Variants in OR52A1 observed in about 807,000 individuals in gnomAD.
OR52A1 encodes olfactory receptor family 52 subfamily A member 1.
OR52A1 carries 14 observed loss-of-function variants against 14.3 expected under a neutral mutation model. That is an observed-to-expected ratio of 0.98 (90% confidence interval 0.65 to 1.54). The LOEUF (loss-of-function observed/expected upper bound fraction) is 1.54, where lower values mean the gene tolerates loss of function less well. Ranked by LOEUF, OR52A1 falls within the 40% of genes most tolerant of loss-of-function variation. The probability of loss-of-function intolerance (pLI) is 0.00; values close to 1 mark genes in which losing one functional copy is unlikely to be tolerated. For missense variants in OR52A1, 405 were observed against 381.3 expected, an observed-to-expected ratio of 1.06 and a Z score of -0.52; for synonymous variants, 151 against 135.3, an observed-to-expected ratio of 1.12 and a Z score of -0.80.
Position 5,151,498 on chromosome 11 carries a change from T to C in OR52A1, c.872A>G (p.Asn291Ser), listed in dbSNP as rs948556302. ...GGTCTTTGCACCATAGACAAGTGGA[T>C]TGAGAAATGGAGGGACCAGCAAGTA... ...SIYLLVPPFLNPLVYGAKTTQ... is the reference protein window; with the variant it reads ...SIYLLVPPFLSPLVYGAKTTQ... The change falls in exon 2 of 2, where the codon AAT (asparagine) becomes AGT (serine). Residue 291 changes from asparagine (N) to serine (S), a missense_variant. Transcript: ENST00000380367. 2.0e-5 allele frequency: 32 copies of C among 1,613,814 alleles called. No individual in the cohort carries two copies. In the East Asian group the frequency reaches 2.9e-4, roughly 15 times the overall value.
rs556787810 is a variant in OR52A1, at chr11:5,150,954, T to G, written c.*477A>C. ...GTATTTAAATTTTTAGGCTTTATTG[T>G]CTCTTGATATTCATAAGATTTTCTT... On this transcript the variant is annotated 3_prime_UTR_variant, in exon 2 of 2. Transcript: ENST00000380367. 168 of 152,554 alleles carry G rather than the reference T, an allele frequency of 1.1e-3. 1 individual carries two copies. In the Middle Eastern group the frequency reaches 0.014, roughly 12 times the overall value. 9.5% of individuals were successfully genotyped at this position (152,554 alleles called of 1,614,324 possible).
chr11:5,150,102 C>T lies in OR52A1; in HGVS notation c.*1329G>A, dbSNP rs958348150. 3.9e-5 allele frequency: 6 copies of T among 151,926 alleles called. No homozygotes were observed. Among genetic ancestry groups the T allele is most frequent in the Admixed American group, 2.0e-4 (3 of 15,242 alleles). The allele number at this position is 151,926 out of a possible 1,614,324, so 9.4% of individuals were successfully genotyped here. ...GGTTTTTCAAGAACAATTGACTAGCCGTAAATTCTTATGCCACTAATTTTA... is the reference window on the plus strand; with the variant it reads ...GGTTTTTCAAGAACAATTGACTAGCTGTAAATTCTTATGCCACTAATTTTA... On this transcript the variant is annotated 3_prime_UTR_variant, in exon 2 of 2. Transcript: ENST00000380367.
In OR52A1 at chr11:5,151,576, T is replaced by C. The variant is rs774868743; in HGVS notation, c.794A>G (p.His265Arg). ...YLLAFFSFFT[H>R]RFGSHISPYI... ...AGGGGAGATGTGAGACCCAAACCTA[T>C]GTGTGAAGAAGGAGAAGAAGGCAAG... Residue 265 changes from histidine to arginine, a missense_variant, in exon 2 of 2, where the codon CAT becomes CGT. Physicochemically the swap from His to Arg is conservative, Grantham distance 29. Coordinates refer to ENST00000380367, the MANE Select transcript of OR52A1 (RefSeq NM_012375.3). 6.2e-7 allele frequency: 1 copy of C among 1,613,920 alleles called. No homozygotes were observed. The highest frequency in any genetic ancestry group is 1.1e-5 in the South Asian group (1 of 91,058).
chr11:5,154,748 G>C lies in OR52A1; in HGVS notation c.-623C>G, dbSNP rs371774144. 7 of 152,216 alleles carry C rather than the reference G, an allele frequency of 4.6e-5. No individual in the cohort carries two copies. The South Asian group carries it at 1.5e-3, about 32-fold the overall frequency. 9.4% of individuals were successfully genotyped at this position (152,216 alleles called of 1,614,324 possible). Reference sequence around the variant, plus strand: ...TGAGGTCTGTAGCATTCTGAAACACGGGATGAATTTATTGAGCTCAAATTG... The same window carrying C: ...TGAGGTCTGTAGCATTCTGAAACACCGGATGAATTTATTGAGCTCAAATTG... On this transcript the variant is annotated 5_prime_UTR_variant, in exon 1 of 2. Coordinates refer to ENST00000380367, the MANE Select transcript of OR52A1 (RefSeq NM_012375.3).
rs369841701 is a variant in OR52A1 at position 5,151,802 on chromosome 11, G to A, written c.568C>T (p.Leu190=). The part of the protein sequence containing the change: ...SYCEHMAIVK[L]AAANVQVNKI... ...TTGACTTGAACATTTGCTGCTGCTA[G>A]TTTCACAATGGCCATATGCTCACAG... Residue 190 remains leucine, a synonymous_variant, in exon 2 of 2, where the codon CTA becomes TTA. Coordinates refer to ENST00000380367, the MANE Select transcript of OR52A1 (RefSeq NM_012375.3). The A allele has an allele frequency of 6.2e-7, 1 of 1,614,046 alleles. No individual in the cohort carries two copies. Among genetic ancestry groups the A allele is most frequent in the Non-Finnish European group, 8.5e-7 (1 of 1,180,034 alleles).
At position 5,151,461 on chromosome 11, in the gene OR52A1, G is replaced by A. The variant is rs112884296; in HGVS notation, c.909C>T (p.Arg303=). 2,030 of 1,611,622 alleles carry A rather than the reference G, an allele frequency of 1.3e-3. 21 individuals are homozygous for A. The African/African-American group carries it at 0.024, about 19-fold the overall frequency. ...LVYGAKTTQI[R]IHVVKMFCS Reference sequence around the variant, plus strand: ...AACAGAACATTTTTACCACATGAATGCGAATCTGTGTGGTCTTTGCACCAT... The same window carrying A: ...AACAGAACATTTTTACCACATGAATACGAATCTGTGTGGTCTTTGCACCAT... The change falls in exon 2 of 2, where the codon CGC becomes CGT. Residue 303 remains arginine, a synonymous_variant. Transcript: ENST00000380367.
chr11:5,151,956 GA>G lies in OR52A1; in HGVS notation c.413del (p.Phe138SerfsTer9). The G allele has an allele frequency of 6.2e-7, 1 of 1,614,066 alleles. No homozygotes were observed. The highest frequency in any genetic ancestry group is 1.7e-5 in the Admixed American group (1 of 60,022). On this transcript the variant is annotated frameshift_variant, in exon 2 of 2. Coordinates refer to ENST00000380367, the MANE Select transcript of OR52A1 (RefSeq NM_012375.3). LOFTEE classifies it high-confidence loss of function. ...ICYPLRHANI[F>X]THQLVIQIGT... ...CTATCTGAATGACAAGCTGGTGGGTGAAGATGTTGGCATGTCTTAGTGGATA... is the reference window on the plus strand; with the variant it reads ...CTATCTGAATGACAAGCTGGTGGGTGAGATGTTGGCATGTCTTAGTGGATA...
rs1846502203 is a variant in OR52A1, at chr11:5,148,176, G to A, written c.*3255C>T. On this transcript the variant is annotated 3_prime_UTR_variant, in exon 2 of 2. Transcript: ENST00000380367. ...TGTTGTAAGTTATTTTTCCCAAATT[G>A]AACATTTAAATGAAGGGCTGCAAAA... The A allele has an allele frequency of 6.6e-6, 1 of 151,338 alleles. No individual in the cohort carries two copies. The highest frequency in any genetic ancestry group is 6.6e-5 in the Admixed American group (1 of 15,182). 9.4% of individuals were successfully genotyped at this position (151,338 alleles called of 1,614,324 possible). A position where few individuals can be genotyped will look rare whatever the true frequency, so the allele number is the denominator to read the frequency against.
rs2133534315 is a variant in OR52A1 at position 5,149,901 on chromosome 11, A to AT, written c.*1529dup. The AT allele has an allele frequency of 6.6e-6, 1 of 152,330 alleles. No homozygotes were observed. Among genetic ancestry groups the AT allele is most frequent in the South Asian group, 2.1e-4 (1 of 4,830 alleles). The allele number at this position is 152,330 out of a possible 1,614,324, so 9.4% of individuals were successfully genotyped here. ...GCCTCTATAATCATTCTCAACAGCC[A>AT]TGGATATCTGCTAAGTCCTAATCCG... On this transcript the variant is annotated 3_prime_UTR_variant, in exon 2 of 2. Transcript: ENST00000380367.
rs1330806760 is a variant in OR52A1 at position 5,154,446 on chromosome 11, C to T, written c.-322+1G>A. On this transcript the variant is annotated splice_donor_variant, in intron 1 of 1. Transcript: ENST00000380367. LOFTEE classifies it low-confidence loss of function (5UTR_SPLICE). ...TCATAACACTTTCATTCATCACTCA[C>T]CAATTTTTCTTCTCCAAGGATTCCA... 2.0e-5 allele frequency: 3 copies of T among 152,196 alleles called. No homozygotes were observed. The highest frequency in any genetic ancestry group is 4.4e-5 in the Non-Finnish European group (3 of 68,054). 9.4% of individuals were successfully genotyped at this position (152,196 alleles called of 1,614,324 possible).
rs547460735 is a variant in OR52A1, at chr11:5,152,600, T to A, written c.-231A>T. The stretch of plus-strand genomic sequence containing the variant: ...CAGGCACTGTGCCATAATAGGATGT[T>A]ATGTGCATGGCAATCCAAATACATT... On this transcript the variant is annotated 5_prime_UTR_variant, in exon 2 of 2. Transcript: ENST00000380367. The A allele has an allele frequency of 1.3e-3, 657 of 488,248 alleles. 2 individuals carry two copies. The highest frequency in any genetic ancestry group is 1.6e-3 in the Non-Finnish European group (418 of 264,906). The allele number at this position is 488,248 out of a possible 1,614,324, so 30.2% of individuals were successfully genotyped here. A position where few individuals can be genotyped will look rare whatever the true frequency, so the allele number is the denominator to read the frequency against.
rs557397678 is a variant in OR52A1, at chr11:5,154,650, G to A, written c.-525C>T. 8.5e-5 allele frequency: 13 copies of A among 152,166 alleles called. No homozygotes were observed. In the South Asian group the frequency reaches 2.5e-3, roughly 29 times the overall value. 9.4% of individuals were successfully genotyped at this position (152,166 alleles called of 1,614,324 possible). Reference sequence around the variant, plus strand: ...TACACTTTTCATTTATCTCTAACACGGACATCTTCTTCTTCTTCTGGAAGT... The same window carrying A: ...TACACTTTTCATTTATCTCTAACACAGACATCTTCTTCTTCTTCTGGAAGT... On this transcript the variant is annotated 5_prime_UTR_variant, in exon 1 of 2. Coordinates refer to ENST00000380367, the MANE Select transcript of OR52A1 (RefSeq NM_012375.3).
Position 5,148,384 on chromosome 11 carries a change from G to A in OR52A1, c.*3047C>T, listed in dbSNP as rs542758603. 1 of 152,008 alleles carries A rather than the reference G, an allele frequency of 6.6e-6. No homozygotes were observed. The highest frequency in any genetic ancestry group is 2.1e-4 in the South Asian group (1 of 4,786). The allele number at this position is 152,008 out of a possible 1,614,324, so 9.4% of individuals were successfully genotyped here. ...GGGATTACAGGCACCCCCCCAACAC[G>A]CCCATCTAATTTTTTGTATTTTTGG... On this transcript the variant is annotated 3_prime_UTR_variant, in exon 2 of 2. Transcript: ENST00000380367.
rs1846561991 is a variant in OR52A1 at position 5,152,621 on chromosome 11, A to G, written c.-252T>C. 3 of 394,474 alleles carry G rather than the reference A, an allele frequency of 7.6e-6. No homozygotes were observed. In the East Asian group the frequency reaches 1.2e-4, roughly 16 times the overall value. The allele number at this position is 394,474 out of a possible 1,614,324, so 24.4% of individuals were successfully genotyped here. A position where few individuals can be genotyped will look rare whatever the true frequency, so the allele number is the denominator to read the frequency against. On this transcript the variant is annotated 5_prime_UTR_variant, in exon 2 of 2. Transcript: ENST00000380367. ...ATGTTATGTGCATGGCAATCCAAAT[A>G]CATTAGAACCAGCAAAATCACCTGG...
chr11:5,153,060 T>C (rs1846567701), intron 1 of OR52A1, among the ~76,000 whole-genome samples: 3 of 152,250 alleles, frequency 2.0e-5, no homozygotes, highest in Non-Finnish European at 4.4e-5. Flanking sequence ...ATTATATTTT[T>C]TCCTATATAT....
rs902117435 is a variant in OR52A1, at chr11:5,148,350, C to G, written c.*3081G>C. 6.6e-6 allele frequency: 1 copy of G among 151,998 alleles called. No homozygotes were observed. Among genetic ancestry groups the G allele is most frequent in the East Asian group, 1.9e-4 (1 of 5,172 alleles). The allele number at this position is 151,998 out of a possible 1,614,324, so 9.4% of individuals were successfully genotyped here. On this transcript the variant is annotated 3_prime_UTR_variant, in exon 2 of 2. Transcript: ENST00000380367. The stretch of plus-strand genomic sequence containing the variant: ...AAGCAATTCTCCTGCCTCAGCCTCC[C>G]GAGTAGCTGGGATTACAGGCACCCC...
rs998918337 is a variant in OR52A1, at chr11:5,151,202, G to T, written c.*229C>A. On this transcript the variant is annotated 3_prime_UTR_variant, in exon 2 of 2. Transcript: ENST00000380367. ...CAACCAGGGGCTAAAGAATAAAAGA[G>T]AAAAAATAATATATATTCACTACTT... 2.6e-6 allele frequency: 1 copy of T among 380,558 alleles called. No individual in the cohort carries two copies. The highest frequency in any genetic ancestry group is 4.2e-5 in the Admixed American group (1 of 23,986). The allele number at this position is 380,558 out of a possible 1,614,324, so 23.6% of individuals were successfully genotyped here. A position where few individuals can be genotyped will look rare whatever the true frequency, so the allele number is the denominator to read the frequency against.
rs199726872 is a variant in OR52A1, at chr11:5,150,223, C to CAT, written c.*1207_*1208insAT. ...CCACATGCCCAAGCAGACACACACA[C>CAT]ACACACACACACACACACACACACA... On this transcript the variant is annotated 3_prime_UTR_variant, in exon 2 of 2. Transcript: ENST00000380367. 0.032 allele frequency: 4,764 copies of CAT among 151,134 alleles called. 247 individuals are homozygous for CAT. Among genetic ancestry groups the CAT allele is most frequent in the African/African-American group, 0.11 (4,498 of 40,626 alleles). 9.4% of individuals were successfully genotyped at this position (151,134 alleles called of 1,614,324 possible).
Position 5,151,213 on chromosome 11 carries a change from A to G in OR52A1, c.*218T>C, listed in dbSNP as rs1846535468. 4 of 422,746 alleles carry G rather than the reference A, an allele frequency of 9.5e-6. No individual in the cohort carries two copies. Among genetic ancestry groups the G allele is most frequent in the South Asian group, 5.4e-5 (1 of 18,552 alleles). 26.2% of individuals were successfully genotyped at this position (422,746 alleles called of 1,614,324 possible). On this transcript the variant is annotated 3_prime_UTR_variant, in exon 2 of 2. Coordinates refer to ENST00000380367, the MANE Select transcript of OR52A1 (RefSeq NM_012375.3). Reference sequence around the variant, plus strand: ...TAAAGAATAAAAGAGAAAAAATAATATATATTCACTACTTCACTCATTTCA... The same window carrying G: ...TAAAGAATAAAAGAGAAAAAATAATGTATATTCACTACTTCACTCATTTCA...
Sources: allele counts gnomAD v4.1 joint callset (sites outside exome capture counted in the v4.1 genomes callset), GRCh38; gene constraint gnomAD v4.1.1; transcripts MANE v1.5; gene names NCBI Gene and HGNC (gene_info 2026-07-23, HGNC 2026-07-21).